APC: variants seen among roughly 807,000 people sequenced by gnomAD.
APC encodes APC regulator of Wnt signaling pathway.
In APC, 72 loss-of-function variants were observed where a neutral mutation model predicts 247.0. The ratio of observed to expected loss-of-function variants is 0.29; its 90% CI spans 0.24 to 0.35. The LOEUF (loss-of-function observed/expected upper bound fraction) is 0.35. Ranked by LOEUF, APC falls within the 10% of genes least tolerant of loss-of-function variation. The pLI is 1.00. For missense variants in APC, 3,400 were observed against 3,360.7 expected, an observed-to-expected ratio of 1.01 and a Z score of -0.29; for synonymous variants, 1,254 against 1,162.5, an observed-to-expected ratio of 1.08 and a Z score of -1.60.
At chr5:112,822,757 T>C (rs1763268124) in intron 11 of APC, among the ~76,000 whole-genome samples, 1 of 152,246 alleles carries the variant, frequency 6.6e-6, no homozygotes. Context: ...TTTAGTGTAA[T>C]TGTGCCCTTG....
chr5:112,743,732 C>T (rs942795060), intron 1 of APC, among the ~76,000 whole-genome samples: 6 of 152,112 alleles, frequency 3.9e-5, no homozygotes, highest in African/African-American at 1.2e-4. Flanking sequence ...GTTCTGTGGG[C>T]GCTTTGTTGA....
intron 2 of APC, among the ~76,000 whole-genome samples, chr5:112,756,971 G>T (rs1371726498): frequency 6.6e-6 from 1 of 152,112 alleles, no homozygotes. Context: ...TTTCGTTTGA[G>T]TGTCATGTTG....
At chr5:112,784,213 G>T (rs921432990) in intron 6 of APC, among the ~76,000 whole-genome samples, 2 of 152,076 alleles carry the variant, frequency 1.3e-5, no homozygotes, top group African/African-American at 4.8e-5. Flanking sequence ...GACTATAGTT[G>T]TGTGCCACCA....
In APC at chr5:112,843,291, G is replaced by T; in HGVS notation, c.7697G>T (p.Arg2566Ile). Residue 2566 changes from arginine to isoleucine, a missense_variant, in exon 16 of 16, where the codon AGA (arginine) becomes ATA (isoleucine). Transcript: ENST00000257430. The surrounding 1 kb of genome is among the most constrained non-coding windows in gnomAD (Gnocchi z 4.8). ...SSLPRVSTWRRTGSSSSILSA... is the reference protein window; with the variant it reads ...SSLPRVSTWRITGSSSSILSA... Reference sequence around the variant, plus strand: ...CTTCCTCGAGTAAGCACTTGGAGAAGAACTGGAAGTTCATCTTCAATTCTT... The same window carrying T: ...CTTCCTCGAGTAAGCACTTGGAGAATAACTGGAAGTTCATCTTCAATTCTT... 6.2e-7 allele frequency: 1 copy of T among 1,613,484 alleles called. No individual in the cohort carries two copies. Among genetic ancestry groups the T allele is most frequent in the East Asian group, 2.2e-5 (1 of 44,882 alleles).
chr5:112,766,812 T>G (rs534026208), intron 3 of APC, among the ~76,000 whole-genome samples: 2 of 152,330 alleles, frequency 1.3e-5, no homozygotes, highest in East Asian at 3.9e-4. Flanking sequence ...ATATATAAGT[T>G]GATTATAATT....
intron 14 of APC, among the ~76,000 whole-genome samples, chr5:112,831,235 A>G (rs1259468808): frequency 3.3e-5 from 5 of 152,110 alleles, no homozygotes; most frequent in Admixed American, 3.3e-4. Context: ...CAGCCTCCCA[A>G]GTAGCTGGGA....
chr5:112,722,034 A>G (rs1325265646), intron 1 of APC, among the ~76,000 whole-genome samples: 1 of 152,170 alleles, frequency 6.6e-6, no homozygotes, highest in Non-Finnish European at 1.5e-5. Context: ...CCTAAAGTAC[A>G]TAGGATGTGA....
chr5:112,712,604 G>T (rs1164400325), intron 1 of APC, among the ~76,000 whole-genome samples: 1 of 150,842 alleles, frequency 6.6e-6, no homozygotes, highest in Non-Finnish European at 1.5e-5. Flanking sequence ...GTATTCCCCA[G>T]GCTGGTGTCA....
At chr5:112,763,478 G>A (rs991422433) in intron 2 of APC, among the ~76,000 whole-genome samples, 4 of 151,674 alleles carry the variant, frequency 2.6e-5, no homozygotes, top group African/African-American at 9.7e-5. Context: ...AATACTTATT[G>A]TTGGACATCT....
chr5:112,776,567 G>A (rs1409263678), intron 5 of APC, among the ~76,000 whole-genome samples: 2 of 152,170 alleles, frequency 1.3e-5, no homozygotes, highest in African/African-American at 4.8e-5. Flanking sequence ...CAACATGGTG[G>A]AGGCTTATGC....
chr5:112,707,660 T>C lies in APC; in HGVS notation c.-58T>C, dbSNP rs2149630082. ...CGATGCTGTTCCCAGGTACTGTTGTTGGCTGTTGGTGAGGAAGGTGAAGCA... is the reference window on the plus strand; with the variant it reads ...CGATGCTGTTCCCAGGTACTGTTGTCGGCTGTTGGTGAGGAAGGTGAAGCA... On this transcript the variant is annotated 5_prime_UTR_variant, in exon 1 of 14. Coordinates refer to the APC transcript ENST00000507379. The C allele has an allele frequency of 2.9e-6, 4 of 1,367,784 alleles. No individual in the cohort carries two copies. Among genetic ancestry groups the C allele is most frequent in the Non-Finnish European group, 3.9e-6 (4 of 1,036,402 alleles). The allele number at this position is 1,367,784 out of a possible 1,614,324, so 84.7% of individuals were successfully genotyped here. A position where few individuals can be genotyped will look rare whatever the true frequency, so the allele number is the denominator to read the frequency against.
At chr5:112,735,073 A>G (rs184881453), upstream of APC, among the ~76,000 whole-genome samples, 42 of 152,342 alleles carry the variant, frequency 2.8e-4, no homozygotes, top group South Asian at 6.2e-4. Flanking sequence ...ACTAAAAGCA[A>G]TGAAGCTGGT....
At chr5:112,763,667 A>AT (rs918835180) in intron 2 of APC, among the ~76,000 whole-genome samples, 1 of 152,130 alleles carries the variant, frequency 6.6e-6, no homozygotes, top group African/African-American at 2.4e-5. Flanking sequence ...AACAAGTAGG[A>AT]TTTTTTCTAA....
At position 112,792,639 on chromosome 5, in the gene APC, G is replaced by A. The variant is rs1269960805; in HGVS notation, c.729+110G>A. ...CCATTGAAATATAGATGTTCTTTCA[G>A]AGAATTTAAATACCGTAATTTTTTT... On this transcript the variant is annotated intron_variant, in intron 7 of 15. Coordinates refer to ENST00000257430, the MANE Select transcript of APC (RefSeq NM_000038.6). 7 of 791,098 alleles carry A rather than the reference G, an allele frequency of 8.8e-6. No individual in the cohort carries two copies. The East Asian group carries it at 1.7e-4, about 20-fold the overall frequency. The allele number at this position is 791,098 out of a possible 1,614,324, so 49.0% of individuals were successfully genotyped here.
intron 8 of APC, among the ~76,000 whole-genome samples, chr5:112,801,933 CTT>C (rs969738195): frequency 9.6e-5 from 14 of 146,492 alleles, no homozygotes; most frequent in African/African-American, 2.5e-4. Flanking sequence ...TGAAAGTAAA[CTT>C]TTTTTTTTTA....
intron 8 of APC, among the ~76,000 whole-genome samples, chr5:112,803,224 A>G (rs1197056894): frequency 6.6e-6 from 1 of 152,182 alleles, no homozygotes; most frequent in East Asian, 1.9e-4. Flanking sequence ...AAATGCATCT[A>G]GCATTATTTA....
Position 112,843,069 on chromosome 5 carries a change from C to G in APC, c.7475C>G (p.Ser2492Cys), listed in dbSNP as rs1766489033. ...PVLSPSLPDMSLSTHSSVQAG... is the reference protein window; with the variant it reads ...PVLSPSLPDMCLSTHSSVQAG... The stretch of plus-strand genomic sequence containing the variant: ...TTAAGTCCTTCCCTTCCTGATATGT[C>G]TCTATCCACACATTCGTCTGTTCAG... The change falls in exon 16 of 16, where the codon TCT (serine) becomes TGT (cysteine). Residue 2492 changes from serine to cysteine, a missense_variant. By Grantham distance (112) the Ser-to-Cys change is moderately radical. This residue lies in a region of APC where 1,788 missense variants were observed against 1,649.5 expected (regional missense o/e 1.08). Coordinates refer to ENST00000257430, the MANE Select transcript of APC (RefSeq NM_000038.6). This position sits in a 1 kb window ranked among gnomAD's most constrained non-coding sequence, Gnocchi z 4.8. 6.2e-7 allele frequency: 1 copy of G among 1,613,994 alleles called. No individual in the cohort carries two copies. The highest frequency in any genetic ancestry group is 2.2e-5 in the East Asian group (1 of 44,888).
chr5:112,761,715 C>G (rs893579300), intron 2 of APC, among the ~76,000 whole-genome samples: 4 of 152,058 alleles, frequency 2.6e-5, no homozygotes, highest in South Asian at 2.1e-4. Flanking sequence ...TGCCAAAGCA[C>G]CATATATAGA....
intron 6 of APC, among the ~76,000 whole-genome samples, chr5:112,788,819 A>G (rs1251769863): frequency 6.6e-6 from 1 of 152,186 alleles, no homozygotes; most frequent in East Asian, 1.9e-4. Flanking sequence ...ATATTTTATT[A>G]TATCATCGCC....
Sources: allele counts gnomAD v4.1 joint callset (sites outside exome capture counted in the v4.1 genomes callset), GRCh38; gene constraint gnomAD v4.1.1; regional missense constraint gnomAD v4.1.1; non-coding constraint Gnocchi (gnomAD v3.1); transcripts MANE v1.5; gene names NCBI Gene and HGNC (gene_info 2026-07-23, HGNC 2026-07-21).